The following FBN1 variants were observed in gnomAD, a reference collection of about 807,000 sequenced individuals.
FBN1 encodes the protein fibrillin 1.
In FBN1, 29 loss-of-function variants were observed where a neutral mutation model predicts 365.1. The observed-to-expected ratio is 0.08, with a 90% CI of 0.06 to 0.11. The LOEUF is 0.11. FBN1 is among the 10% of genes least tolerant of loss of function. FBN1 has a pLI of 1.00. For synonymous variants in FBN1, 1,210 were observed against 1,270.5 expected (o/e 0.95, Z 1.01); for missense variants, 2,476 against 3,703.2 (o/e 0.67, Z 8.60).
chr15:48,617,772 C>G (rs1889685875), intron 2 of FBN1, among the ~76,000 whole-genome samples: 1 of 152,346 alleles, frequency 6.6e-6, no homozygotes, highest in East Asian at 1.9e-4. Context: ...TCTACCACGT[C>G]TGACCACATC....
Position 48,463,090 on chromosome 15 carries a change from G to C in FBN1, c.5216C>G (p.Pro1739Arg). ...WNKPCEQCPI[P>R]STDEFATLCG... The stretch of plus-strand genomic sequence containing the variant: ...GAGAAACTAAAACTCACCTGTACTT[G>C]GGATGGGACACTGTTCACAGGGCTT... Residue 1739 changes from proline to arginine, a missense_variant, in exon 42 of 66, where the codon CCA (proline) becomes CGA (arginine). Pro to Arg is a moderately radical substitution (Grantham distance 103). Transcript: ENST00000316623. The C allele has an allele frequency of 6.2e-7, 1 of 1,613,876 alleles. No homozygotes were observed. Among genetic ancestry groups the C allele is most frequent in the Non-Finnish European group, 8.5e-7 (1 of 1,179,774 alleles).
intron 2 of FBN1, among the ~76,000 whole-genome samples, chr15:48,629,696 T>C (rs779778881): frequency 3.3e-5 from 5 of 152,244 alleles, no homozygotes; most frequent in Admixed American, 6.5e-5. Context: ...TGACCATTAA[T>C]TGATAAATGC....
intron 60 of FBN1, among the ~76,000 whole-genome samples, chr15:48,423,184 T>C (rs1017313268): frequency 2.6e-5 from 4 of 152,228 alleles, no homozygotes; most frequent in Non-Finnish European, 2.9e-5. Flanking sequence ...AATTGTCGCA[T>C]ATTCAGGAAA....
At chr15:48,475,896 T>C (rs1231214460) in intron 32 of FBN1, among the ~76,000 whole-genome samples, 3 of 152,172 alleles carry the variant, frequency 2.0e-5, no homozygotes, top group African/African-American at 7.2e-5. Flanking sequence ...CTTTATAATA[T>C]CACTAATGAT....
At chr15:48,588,305 A>G (rs2044451736) in intron 6 of FBN1, among the ~76,000 whole-genome samples, 1 of 152,212 alleles carries the variant, frequency 6.6e-6, no homozygotes, top group African/African-American at 2.4e-5. Flanking sequence ...AATTAATTTC[A>G]CCTGTTTCCT....
intron 45 of FBN1, among the ~76,000 whole-genome samples, chr15:48,451,548 A>G (rs1473153854): frequency 1.3e-5 from 2 of 152,206 alleles, no homozygotes; most frequent in African/African-American, 4.8e-5. Context: ...TAAAGAGAAC[A>G]GTGCACTTCC....
intron 15 of FBN1, among the ~76,000 whole-genome samples, chr15:48,506,395 G>A (rs916887034): frequency 6.6e-6 from 1 of 152,068 alleles, no homozygotes; most frequent in East Asian, 1.9e-4. Flanking sequence ...AAATATATTC[G>A]GGTGGTCCAA....
At chr15:48,548,739 G>C (rs1003624392) in intron 6 of FBN1, among the ~76,000 whole-genome samples, 2 of 152,130 alleles carry the variant, frequency 1.3e-5, no homozygotes, top group African/African-American at 4.8e-5. Flanking sequence ...CATTAAAAGT[G>C]GTTTAAAATG....
intron 15 of FBN1, among the ~76,000 whole-genome samples, chr15:48,507,540 T>C (rs2043720682): frequency 6.6e-6 from 1 of 152,216 alleles, no homozygotes; most frequent in African/African-American, 2.4e-5. Context: ...TCATAGAGAA[T>C]GTAGGTAAAC....
At chr15:48,432,786 T>C (rs994546517) in intron 55 of FBN1, 80 bp downstream of exon 55, 2 of 1,557,986 alleles carry the variant, frequency 1.3e-6, no homozygotes. Context: ...AGCCTTCTCC[T>C]ACTAAGGGAA....
intron 50 of FBN1, among the ~76,000 whole-genome samples, chr15:48,438,557 A>C (rs1318831344): frequency 1.3e-5 from 2 of 151,196 alleles, no homozygotes; most frequent in African/African-American, 2.4e-5. Flanking sequence ...TAGATTTTAC[A>C]CACACACACA....
At chr15:48,413,956 A>G (rs932255147) in intron 64 of FBN1, among the ~76,000 whole-genome samples, 8 of 152,242 alleles carry the variant, frequency 5.3e-5, no homozygotes, top group African/African-American at 1.4e-4. Flanking sequence ...AAACAATACA[A>G]TGGATGAAGT....
intron 2 of FBN1, among the ~76,000 whole-genome samples, chr15:48,626,214 G>A (rs980193819): frequency 2.7e-5 from 4 of 148,068 alleles, no homozygotes; most frequent in Admixed American, 1.3e-4. Context: ...CCGCAATCAC[G>A]CCACTGCACT....
rs768078387 is a variant in FBN1, at chr15:48,437,089, GA to G, written c.6380-13del. The G allele has an allele frequency of 3.3e-5, 51 of 1,552,344 alleles. No homozygotes were observed. Among genetic ancestry groups the G allele is most frequent in the Middle Eastern group, 1.7e-4 (1 of 5,934 alleles). Reference sequence around the variant, plus strand: ...GCATTCGTCCATATCTTAAGCAAGAGAAAAAAAATAGTGAATAACAAGGTAT... The same window carrying G: ...GCATTCGTCCATATCTTAAGCAAGAGAAAAAAATAGTGAATAACAAGGTAT... On this transcript the variant is annotated splice_polypyrimidine_tract_variant and intron_variant, in intron 52 of 65. Coordinates refer to ENST00000316623, the MANE Select transcript of FBN1 (RefSeq NM_000138.5).
At chr15:48,609,022 G>A (rs544444251) in intron 4 of FBN1, among the ~76,000 whole-genome samples, 20 of 152,338 alleles carry the variant, frequency 1.3e-4, no homozygotes, top group African/African-American at 4.6e-4. Context: ...CAATCTGAGA[G>A]ATGGGGTCTA....
In FBN1 at chr15:48,463,415, T is replaced by C. The variant is rs112894337; in HGVS notation, c.5066-175A>G. 6.8e-3 allele frequency among the ~76,000 whole-genome samples: 1,038 copies of C among 152,318 alleles called. 11 individuals carry two copies. The highest frequency in any genetic ancestry group is 0.024 in the African/African-American group (988 of 41,556). On this transcript the variant is annotated intron_variant, in intron 41 of 65. Coordinates refer to ENST00000316623, the MANE Select transcript of FBN1 (RefSeq NM_000138.5). ...ACAACTTTCTAGCTACCTATGCTGC[T>C]ACAAGATAAAGGACTTTGAGAAATA...
At chr15:48,604,428 T>C (rs900051839) in intron 4 of FBN1, among the ~76,000 whole-genome samples, 11 of 152,192 alleles carry the variant, frequency 7.2e-5, no homozygotes, top group African/African-American at 2.7e-4. Flanking sequence ...CACTGCAGGA[T>C]AAAAACAATT....
intron 32 of FBN1, among the ~76,000 whole-genome samples, chr15:48,479,219 T>C (rs2043448465): frequency 6.6e-6 from 1 of 152,180 alleles, no homozygotes. Context: ...CTTAGTGACA[T>C]GGCATTCAAA....
At chr15:48,526,447 A>G (rs2043916015) in intron 8 of FBN1, among the ~76,000 whole-genome samples, 192 bp from the exon 9 acceptor site, 1 of 152,224 alleles carries the variant, frequency 6.6e-6, no homozygotes, top group African/African-American at 2.4e-5. Flanking sequence ...CTTACCCAAA[A>G]GATTTACCAA....
Sources: allele counts gnomAD v4.1 joint callset (sites outside exome capture counted in the v4.1 genomes callset), GRCh38; gene constraint gnomAD v4.1.1; transcripts MANE v1.5; gene names NCBI Gene and HGNC (gene_info 2026-07-23, HGNC 2026-07-21).